The following CAPS2 variants were observed in gnomAD, a reference collection of about 807,000 sequenced individuals.
CAPS2 encodes calcyphosin-2.
A neutral mutation model predicts 86.5 loss-of-function variants in CAPS2; 98 were observed. That is an observed-to-expected ratio of 1.13 (90% confidence interval 0.96 to 1.34). The LOEUF (loss-of-function observed/expected upper bound fraction) is 1.34, where lower values mean the gene tolerates loss of function less well. CAPS2 is among the 40% of genes most tolerant of loss of function. CAPS2 has a pLI of 0.00. For missense variants in CAPS2, 729 were observed against 686.8 expected, an observed-to-expected ratio of 1.06 and a Z score of -0.69; for synonymous variants, 210 against 225.1, an observed-to-expected ratio of 0.93 and a Z score of 0.60.
intron 7 of CAPS2, among the ~76,000 whole-genome samples, chr12:75,311,712 C>A (rs56051625): frequency 0.4 from 3,832 of 9,562 alleles, 951 homozygotes; most frequent in South Asian, 0.53. Context: ...AAAAAAAAAA[C>A]AAAAAAAAAA....
At chr12:75,294,514 T>C (rs2036547805) in intron 11 of CAPS2, among the ~76,000 whole-genome samples, 1 of 152,188 alleles carries the variant, frequency 6.6e-6, no homozygotes, top group Admixed American at 6.5e-5. Context: ...ATCTCCCAGT[T>C]TCTGTGAGAG....
chr12:75,382,256 C>T (rs1044912590), intron 1 of CAPS2, among the ~76,000 whole-genome samples: 1 of 152,160 alleles, frequency 6.6e-6, no homozygotes, highest in Non-Finnish European at 1.5e-5. Context: ...TGATCATTTT[C>T]AGTAAATGTA....
chr12:75,390,405 G>T (rs779421518), intron 1 of CAPS2: 8 of 456,116 alleles, frequency 1.8e-5, no homozygotes, highest in Non-Finnish European at 3.1e-5. Context: ...AAGTAGAAAT[G>T]TTTTAACCTT....
intron 7 of CAPS2, among the ~76,000 whole-genome samples, chr12:75,312,026 A>C (rs571610653): frequency 6.6e-6 from 1 of 152,270 alleles, no homozygotes; most frequent in African/African-American, 2.4e-5. Context: ...ACACAACTAA[A>C]CAGTTTTTTC....
At chr12:75,358,084 T>C (rs1276107680) in intron 1 of CAPS2, among the ~76,000 whole-genome samples, 1 of 151,324 alleles carries the variant, frequency 6.6e-6, no homozygotes, top group African/African-American at 2.4e-5. Flanking sequence ...ATTAATAAAA[T>C]TTATCATCTG....
intron 1 of CAPS2, chr12:75,366,889 C>G (rs1296691504): frequency 2.9e-6 from 2 of 701,384 alleles, no homozygotes; most frequent in African/African-American, 3.5e-5. Context: ...TTGAGGGTTC[C>G]CTGTAGGGCC....
chr12:75,368,063 T>C (rs997000828), intron 1 of CAPS2, among the ~76,000 whole-genome samples: 1 of 152,048 alleles, frequency 6.6e-6, no homozygotes, highest in Non-Finnish European at 1.5e-5. Flanking sequence ...TTCCTTTTAA[T>C]GTCTTAATAT....
intron 1 of CAPS2, chr12:75,347,765 T>C: frequency 7.7e-7 from 1 of 1,307,146 alleles, no homozygotes; most frequent in Non-Finnish European, 1.1e-6. Context: ...GAAATTAATG[T>C]TGATGATGGT....
At chr12:75,342,021 G>A (rs1457183892) in intron 1 of CAPS2, among the ~76,000 whole-genome samples, 2 of 152,138 alleles carry the variant, frequency 1.3e-5, no homozygotes, top group Non-Finnish European at 2.9e-5. Flanking sequence ...GGGATTACAG[G>A]CATGAGTCAC....
At chr12:75,316,619 C>T (rs1012290128) in intron 5 of CAPS2, among the ~76,000 whole-genome samples, 185 bp from the exon 6 acceptor site, 2 of 152,106 alleles carry the variant, frequency 1.3e-5, no homozygotes, top group Non-Finnish European at 2.9e-5. Context: ...GCTAGGTGAC[C>T]TCTCTGTGCC....
intron 2 of CAPS2, among the ~76,000 whole-genome samples, chr12:75,324,310 A>T (rs1185834895): frequency 6.6e-6 from 1 of 152,238 alleles, no homozygotes; most frequent in Non-Finnish European, 1.5e-5. Context: ...TATTGGCTAC[A>T]TGGAATCTAC....
At chr12:75,363,117 T>C (rs2043722693) in intron 1 of CAPS2, 2 of 1,554,436 alleles carry the variant, frequency 1.3e-6, no homozygotes, top group East Asian at 2.4e-5. Flanking sequence ...ATTTTGCAAA[T>C]ATGCCTCCTT....
chr12:75,328,182 G>T (rs575577842), upstream of CAPS2, among the ~76,000 whole-genome samples: 2 of 152,252 alleles, frequency 1.3e-5, no homozygotes, highest in Admixed American at 1.3e-4. Flanking sequence ...GGAGGCCAGG[G>T]TTGGGTTGGT....
At chr12:75,325,724 T>C (rs892324712) in intron 1 of CAPS2, among the ~76,000 whole-genome samples, 1 of 151,744 alleles carries the variant, frequency 6.6e-6, no homozygotes, top group African/African-American at 2.4e-5. Flanking sequence ...AGAAAGAAAA[T>C]TGGTTCAGCT....
At chr12:75,312,603 A>G (rs2039346425) in intron 7 of CAPS2, among the ~76,000 whole-genome samples, 1 of 152,180 alleles carries the variant, frequency 6.6e-6, no homozygotes, top group South Asian at 2.1e-4. Context: ...GTTGTTAGGA[A>G]ATAAATATTT....
At chr12:75,380,385 T>C (rs1269534059) in intron 1 of CAPS2, among the ~76,000 whole-genome samples, 2 of 152,140 alleles carry the variant, frequency 1.3e-5, no homozygotes, top group Non-Finnish European at 2.9e-5. Flanking sequence ...GAACTCCCAT[T>C]TTCTCTCAGG....
chr12:75,277,493 G>T, exon 17 of CAPS2: 1 of 905,724 alleles, frequency 1.1e-6, no homozygotes, highest in Non-Finnish European at 1.3e-6. Flanking sequence ...CTAGCATATT[G>T]TTTTAATTTT....
chr12:75,343,568 AC>A, intron 1 of CAPS2: 2 of 739,722 alleles, frequency 2.7e-6, no homozygotes, highest in Non-Finnish European at 2.1e-6. Flanking sequence ...CATAATAAAT[AC>A]CAAAGAAAAA....
At chr12:75,370,300 TTAA>T (rs1233196336) in intron 1 of CAPS2, 3 of 570,902 alleles carry the variant, frequency 5.3e-6, no homozygotes, top group Non-Finnish European at 9.3e-6. Context: ...ATACCTAAAT[TTAA>T]TGTTTGTTTT....
Sources: allele counts gnomAD v4.1 joint callset (sites outside exome capture counted in the v4.1 genomes callset), GRCh38; gene constraint gnomAD v4.1.1; transcripts MANE v1.5; gene names NCBI Gene and HGNC (gene_info 2026-07-23, HGNC 2026-07-21).